EDN1: variants seen among roughly 807,000 people sequenced by gnomAD.
EDN1 encodes the protein endothelin-1.
Under a neutral mutation model 21.7 loss-of-function variants are expected in EDN1, and 11 were observed. The observed-to-expected ratio is 0.51, with a 90% CI of 0.32 to 0.84. The LOEUF (loss-of-function observed/expected upper bound fraction) is 0.84, where lower values mean the gene tolerates loss of function less well. EDN1 is among the 40% of genes least tolerant of loss of function. The probability of loss-of-function intolerance (pLI) is 0.03; values close to 1 mark genes in which losing one functional copy is unlikely to be tolerated. For synonymous variants in EDN1, 85 were observed against 90.6 expected (o/e 0.94, Z 0.35); for missense variants, 244 against 262.3 (o/e 0.93, Z 0.48).
upstream of EDN1, among the ~76,000 whole-genome samples, chr6:12,288,711 G>T (rs1762606925): frequency 6.6e-6 from 1 of 152,202 alleles, no homozygotes; most frequent in Non-Finnish European, 1.5e-5. Context: ...TGACTTCGAG[G>T]GAGGTCTGGG....
chr6:12,267,853 A>G, the EDN1 span, among the ~76,000 whole-genome samples: 2 of 152,216 alleles, frequency 1.3e-5, no homozygotes, highest in Non-Finnish European at 2.9e-5. Flanking sequence ...CTCTTGTCAG[A>G]GACAAATGCA....
the EDN1 span, among the ~76,000 whole-genome samples, chr6:12,275,880 G>A: frequency 3.2e-4 from 49 of 151,932 alleles, no homozygotes; most frequent in African/African-American, 9.7e-4. Context: ...AATAAGAATC[G>A]TGCCGGGCAT....
At chr6:12,241,934 G>C in the EDN1 span, among the ~76,000 whole-genome samples, 1 of 152,216 alleles carries the variant, frequency 6.6e-6, no homozygotes, top group African/African-American at 2.4e-5. Flanking sequence ...TGCTGTGCAG[G>C]CTGCACCCAT....
intron 1 of EDN1, 46 bp downstream of exon 1, chr6:12,290,739 G>A (rs1354463400): frequency 1.3e-6 from 2 of 1,520,448 alleles, no homozygotes; most frequent in Non-Finnish European, 1.8e-6. Context: ...ACAAGTTAGT[G>A]TGTTCTTATC....
chr6:12,265,106 G>T, the EDN1 span, among the ~76,000 whole-genome samples: 98 of 152,324 alleles, frequency 6.4e-4, no homozygotes, highest in Non-Finnish European at 1.2e-4. Context: ...ATGGCTGCAG[G>T]CTCCAAGGAT....
chr6:12,278,232 A>C, the EDN1 span, among the ~76,000 whole-genome samples: 1 of 152,192 alleles, frequency 6.6e-6, no homozygotes, highest in Non-Finnish European at 1.5e-5. Flanking sequence ...CAGAAAGTCT[A>C]TTGGAAACCC....
the EDN1 span, among the ~76,000 whole-genome samples, chr6:12,241,845 C>A: frequency 1.3e-5 from 2 of 152,128 alleles, no homozygotes; most frequent in Admixed American, 6.5e-5. Context: ...ACATACTTGC[C>A]TCCTACAAAT....
chr6:12,278,725 C>T, the EDN1 span, among the ~76,000 whole-genome samples: 16 of 152,082 alleles, frequency 1.1e-4, no homozygotes, highest in South Asian at 4.2e-4. Context: ...GGTGAAACCC[C>T]GTCTGAACTA....
chr6:12,291,237 C>A (rs1449782108), intron 1 of EDN1, among the ~76,000 whole-genome samples: 3 of 150,492 alleles, frequency 2.0e-5, no homozygotes, highest in Non-Finnish European at 4.4e-5. Context: ...CCCGCCACCA[C>A]CCCCCGCAGG....
chr6:12,255,366 A>C, the EDN1 span, among the ~76,000 whole-genome samples: 1 of 152,362 alleles, frequency 6.6e-6, no homozygotes, highest in East Asian at 1.9e-4. Context: ...TATAAAGCTC[A>C]TAAAGTCATT....
the EDN1 span, among the ~76,000 whole-genome samples, chr6:12,273,186 G>A: frequency 1.3e-5 from 2 of 152,222 alleles, no homozygotes; most frequent in South Asian, 2.1e-4. Context: ...CCCAGGAAAG[G>A]TGACATCCAA....
At chr6:12,293,039 A>G (rs1762725910) in intron 2 of EDN1, among the ~76,000 whole-genome samples, 1 of 152,198 alleles carries the variant, frequency 6.6e-6, no homozygotes, top group Non-Finnish European at 1.5e-5. Context: ...CTTTGCTGCT[A>G]TATTTTCCCT....
At chr6:12,235,173 G>A in the EDN1 span, among the ~76,000 whole-genome samples, 16 of 152,106 alleles carry the variant, frequency 1.1e-4, no homozygotes, top group African/African-American at 3.9e-4. Flanking sequence ...TTTCTCATTC[G>A]TAGAATAGGG....
At chr6:12,287,688 C>CTCCCTCT (rs1762576755), upstream of EDN1, among the ~76,000 whole-genome samples, 20 of 112,590 alleles carry the variant, frequency 1.8e-4, 1 homozygote, top group Admixed American at 1.8e-3. Flanking sequence ...TCTCTCTCTC[C>CTCCCTCT]CTCTCTCTCT....
chr6:12,239,528 T>C, the EDN1 span, among the ~76,000 whole-genome samples: 1 of 152,180 alleles, frequency 6.6e-6, no homozygotes, highest in Non-Finnish European at 1.5e-5. Flanking sequence ...CTGCCTCTTT[T>C]CTCATCCCTA....
At chr6:12,231,762 A>G in the EDN1 span, among the ~76,000 whole-genome samples, 1 of 152,038 alleles carries the variant, frequency 6.6e-6, no homozygotes, top group African/African-American at 2.4e-5. Context: ...TTTTACTCAG[A>G]TATCACTCAA....
the EDN1 span, among the ~76,000 whole-genome samples, chr6:12,251,895 A>G: frequency 1.3e-5 from 2 of 152,334 alleles, no homozygotes; most frequent in South Asian, 4.1e-4. Context: ...AACCTTTTCT[A>G]GTAAAAGTAT....
the EDN1 span, among the ~76,000 whole-genome samples, chr6:12,253,328 G>A: frequency 6.6e-6 from 1 of 152,090 alleles, no homozygotes; most frequent in African/African-American, 2.4e-5. Flanking sequence ...CAGCATTCTA[G>A]TCAATGAGAT....
chr6:12,296,134 C>A lies in EDN1; in HGVS notation c.*67C>A. ...AGCCCTGTGGCCGACTCTGCACTCT[C>A]CACCCTGGCTGGGATCAGAGCAGGA... On this transcript the variant is annotated 3_prime_UTR_variant, in exon 5 of 5. Transcript: ENST00000379375. 1.4e-5 allele frequency: 19 copies of A among 1,401,896 alleles called. No homozygotes were observed. Among genetic ancestry groups the A allele is most frequent in the Non-Finnish European group, 1.8e-5 (18 of 988,006 alleles). The allele number at this position is 1,401,896 out of a possible 1,614,324, so 86.8% of individuals were successfully genotyped here.
Sources: allele counts gnomAD v4.1 joint callset (sites outside exome capture counted in the v4.1 genomes callset), GRCh38; gene constraint gnomAD v4.1.1; transcripts MANE v1.5; gene names NCBI Gene and HGNC (gene_info 2026-07-23, HGNC 2026-07-21).